The following ROBO1 variants were observed in gnomAD, a reference collection of about 807,000 sequenced individuals.
ROBO1 encodes roundabout guidance receptor 1.
ROBO1 carries 149 observed loss-of-function variants against 195.9 expected under a neutral mutation model. The observed-to-expected ratio is 0.76, with a 90% confidence interval of 0.67 to 0.87. ROBO1 has a LOEUF of 0.87. ROBO1 is among the 40% of genes least tolerant of loss of function. The pLI is 0.00. For missense variants in ROBO1, 1,933 were observed against 2,068.3 expected (o/e 0.93, Z 1.27); for synonymous variants, 816 against 733.2 (o/e 1.11, Z -1.82).
At chr3:78,927,016 C>T (rs918516604) in intron 4 of ROBO1, among the ~76,000 whole-genome samples, 2 of 151,978 alleles carry the variant, frequency 1.3e-5, no homozygotes, top group African/African-American at 4.8e-5. Flanking sequence ...ATGTCAATTG[C>T]TGACAAGAGG....
chr3:79,283,504 A>G (rs890393573), intron 2 of ROBO1, among the ~76,000 whole-genome samples: 2 of 152,230 alleles, frequency 1.3e-5, no homozygotes, highest in Non-Finnish European at 2.9e-5. Context: ...TATATTAAAT[A>G]GTTTCAGGCT....
intron 2 of ROBO1, 55 bp from the exon 3 acceptor site, chr3:79,125,594 C>T (rs1183637359): frequency 3.0e-6 from 4 of 1,331,070 alleles, no homozygotes; most frequent in Non-Finnish European, 4.3e-6. Flanking sequence ...ACAGTAGTTG[C>T]CATTTCGATC....
In ROBO1 at chr3:78,717,371, G is replaced by C; in HGVS notation, c.821C>G (p.Thr274Ser). The C allele has an allele frequency of 1.3e-5, 21 of 1,613,542 alleles. No individual in the cohort carries two copies. The highest frequency in any genetic ancestry group is 1.8e-5 in the Non-Finnish European group (21 of 1,179,550). Residue 274 changes from threonine (T) to serine (S), a missense_variant, in exon 7 of 31, where the codon ACT becomes AGT. By Grantham distance (58) the Thr-to-Ser change is moderately conservative (BLOSUM62 1). Around this residue, in one of 3 missense-constraint regions of ROBO1, gnomAD observed 1,737 missense variants for 1,882.5 expected, o/e 0.92. Coordinates refer to ENST00000464233, the MANE Select transcript of ROBO1 (RefSeq NM_002941.4). The stretch of plus-strand genomic sequence containing the variant: ...TTTAAATTCTGCACTGTCATCCACA[G>C]TTACTGCCAAGTTACTGGGTCTCTT... The part of the protein sequence containing the change: ...FVKRPSNLAV[T>S]VDDSAEFKCE...
intron 2 of ROBO1, among the ~76,000 whole-genome samples, chr3:79,574,717 G>C (rs193062319): frequency 1.3e-5 from 2 of 151,798 alleles, no homozygotes; most frequent in Admixed American, 1.3e-4. Context: ...TTTACATCAA[G>C]TTAGTACACT....
intron 25 of ROBO1, among the ~76,000 whole-genome samples, chr3:78,630,920 A>G (rs1490200826): frequency 6.6e-6 from 1 of 152,322 alleles, no homozygotes; most frequent in Middle Eastern, 3.4e-3. Flanking sequence ...ACATGAGCTA[A>G]TATGTATCAT....
At chr3:79,751,906 G>T (rs1369706491) in intron 1 of ROBO1, among the ~76,000 whole-genome samples, 1 of 152,064 alleles carries the variant, frequency 6.6e-6, no homozygotes, top group African/African-American at 2.4e-5. Flanking sequence ...ACTGGCCAGG[G>T]TCATTAAATA....
At chr3:78,926,732 G>C (rs1280420755) in intron 4 of ROBO1, among the ~76,000 whole-genome samples, 2 of 152,130 alleles carry the variant, frequency 1.3e-5, no homozygotes, top group South Asian at 2.1e-4. Context: ...GTGGTCTTCA[G>C]GGTAAGTCAT....
intron 10 of ROBO1, among the ~76,000 whole-genome samples, chr3:78,677,496 A>G (rs1231019853): frequency 1.3e-5 from 2 of 152,086 alleles, no homozygotes; most frequent in Non-Finnish European, 1.5e-5. Flanking sequence ...AAGCTAATGG[A>G]AAACAAAAAA....
chr3:78,973,495 AGCT>A lies in ROBO1; in HGVS notation c.173-34571_173-34569del, dbSNP rs1320105137. ...CTATATATATATTATATATATAAGA[AGCT>A]ATATATATATTATATATATAAGAAG... is the stretch of plus-strand genomic sequence containing the variant. On this transcript the variant is annotated intron_variant, in intron 3 of 30. Transcript: ENST00000464233. Among the ~76,000 whole-genome samples, 17 of 146,028 alleles carry A rather than the reference AGCT, an allele frequency of 1.2e-4. No individual in the cohort carries two copies. In the East Asian group the frequency reaches 1.8e-3, roughly 15 times the overall value.
chr3:79,310,514 C>T (rs2033434706), intron 2 of ROBO1, among the ~76,000 whole-genome samples: 1 of 152,188 alleles, frequency 6.6e-6, no homozygotes, highest in South Asian at 2.1e-4. Context: ...TCCAATATAA[C>T]TCTACATGGC....
At chr3:78,950,379 G>A (rs576184344) in intron 3 of ROBO1, among the ~76,000 whole-genome samples, 24 of 151,644 alleles carry the variant, frequency 1.6e-4, no homozygotes, top group Non-Finnish European at 2.9e-4. Context: ...GATGAAACTG[G>A]AAACCACCAT....
intron 1 of ROBO1, among the ~76,000 whole-genome samples, chr3:79,630,352 G>C (rs1252903444): frequency 6.6e-6 from 1 of 151,876 alleles, no homozygotes; most frequent in African/African-American, 2.4e-5. Context: ...CAAATCAATA[G>C]ATGTGATTAA....
At chr3:79,448,080 G>A (rs2039324357) in intron 2 of ROBO1, among the ~76,000 whole-genome samples, 1 of 152,148 alleles carries the variant, frequency 6.6e-6, no homozygotes, top group Non-Finnish European at 1.5e-5. Flanking sequence ...TATCCCTTAA[G>A]CAACCTTACA....
intron 23 of ROBO1, among the ~76,000 whole-genome samples, chr3:78,635,057 A>G (rs1435459706): frequency 1.3e-5 from 2 of 152,150 alleles, no homozygotes. Context: ...TTTGCAAATC[A>G]TGATATTATA....
At chr3:78,649,338 C>T (rs753195590) in intron 19 of ROBO1, among the ~76,000 whole-genome samples, 3 of 152,040 alleles carry the variant, frequency 2.0e-5, no homozygotes, top group Non-Finnish European at 4.4e-5. Flanking sequence ...TGCTAGCACA[C>T]GAAATAACAA....
chr3:78,606,554 A>C (rs955944436), intron 29 of ROBO1, among the ~76,000 whole-genome samples, 179 bp downstream of exon 29: 4 of 152,268 alleles, frequency 2.6e-5, no homozygotes, highest in East Asian at 1.9e-4. Context: ...GGTGATGTTG[A>C]GTATAAAGGC....
At chr3:79,446,454 T>A (rs746781528) in intron 2 of ROBO1, among the ~76,000 whole-genome samples, 4 of 152,212 alleles carry the variant, frequency 2.6e-5, no homozygotes, top group Non-Finnish European at 5.9e-5. Context: ...ATTATAGCTA[T>A]TTTTTAGTGT....
At chr3:78,842,268 G>T (rs1194221347) in intron 4 of ROBO1, among the ~76,000 whole-genome samples, 2 of 122,422 alleles carry the variant, frequency 1.6e-5, no homozygotes, top group African/African-American at 3.2e-5. Flanking sequence ...TTATATATAT[G>T]AGCCATATAT....
chr3:79,612,496 G>T (rs1427256991), intron 1 of ROBO1, among the ~76,000 whole-genome samples: 5 of 152,084 alleles, frequency 3.3e-5, no homozygotes, highest in Non-Finnish European at 5.9e-5. Context: ...ACATACGGGT[G>T]CATGTGTCTT....
Sources: gnomAD v4.1 joint callset for allele counts (sites outside exome capture counted in the v4.1 genomes callset) on GRCh38, gnomAD v4.1.1 for gene constraint, gnomAD v4.1.1 regional missense constraint, MANE v1.5 for transcripts, NCBI Gene and HGNC (gene_info 2026-07-23, HGNC 2026-07-21) for gene names.